Variants in NDUFA5 observed in about 807,000 individuals in gnomAD.
NDUFA5 encodes the protein NADH:ubiquinone oxidoreductase subunit A5.
A neutral mutation model predicts 19.8 loss-of-function variants in NDUFA5; 11 were observed. The observed-to-expected ratio is 0.56, with a 90% CI of 0.35 to 0.92. The LOEUF (loss-of-function observed/expected upper bound fraction) is 0.92, where lower values mean the gene tolerates loss of function less well. Ranked by LOEUF, NDUFA5 falls within the 40% of genes least tolerant of loss-of-function variation. The pLI is 0.01. For synonymous variants in NDUFA5, 47 were observed against 46.8 expected, an observed-to-expected ratio of 1.00 and a Z score of -0.01; for missense variants, 109 against 134.2, an observed-to-expected ratio of 0.81 and a Z score of 0.93.
chr7:123,543,108 C>A (rs1389877443), intron 4 of NDUFA5, among the ~76,000 whole-genome samples: 2 of 152,072 alleles, frequency 1.3e-5, no homozygotes, highest in Non-Finnish European at 2.9e-5. Flanking sequence ...TGTTTACAAG[C>A]AACTATAAAA....
chr7:123,591,931 G>T, the NDUFA5 span, among the ~76,000 whole-genome samples: 2 of 152,108 alleles, frequency 1.3e-5, no homozygotes. Context: ...TCTGGCCCCA[G>T]ACTTTTTTTT....
the NDUFA5 span, among the ~76,000 whole-genome samples, chr7:123,570,562 C>T: frequency 2.0e-5 from 3 of 152,142 alleles, no homozygotes; most frequent in Admixed American, 6.5e-5. Context: ...TGGCTTCTGA[C>T]GTCCTCACTC....
intron 3 of NDUFA5, among the ~76,000 whole-genome samples, chr7:123,548,811 C>T (rs896909644): frequency 8.5e-5 from 13 of 152,122 alleles, no homozygotes; most frequent in Non-Finnish European, 1.5e-4. Context: ...TAAACTCAGC[C>T]TTTGAGAAAC....
chr7:123,557,940 C>T (rs1798627831), upstream of NDUFA5: 1 of 1,403,350 alleles, frequency 7.1e-7, no homozygotes, highest in African/African-American at 1.4e-5. Flanking sequence ...AAGACTCTGC[C>T]CCGCCCATCT....
intron 2 of NDUFA5, 69 bp from the exon 3 acceptor site, chr7:123,550,655 T>C: frequency 9.5e-6 from 8 of 839,936 alleles, no homozygotes; most frequent in Non-Finnish European, 1.5e-5. Flanking sequence ...AACACTTGTC[T>C]CAAAGACAAA....
chr7:123,550,598 A>G lies in NDUFA5; in HGVS notation c.67-12T>C, dbSNP rs757746440. 1 of 1,496,866 alleles carries G rather than the reference A, an allele frequency of 6.7e-7. No individual in the cohort carries two copies. The allele number at this position is 1,496,866 out of a possible 1,614,324, so 92.7% of individuals were successfully genotyped here. A position where few individuals can be genotyped will look rare whatever the true frequency, so the allele number is the denominator to read the frequency against. On this transcript the variant is annotated splice_polypyrimidine_tract_variant and intron_variant, in intron 2 of 4. Coordinates refer to ENST00000355749, the MANE Select transcript of NDUFA5 (RefSeq NM_005000.5). The stretch of plus-strand genomic sequence containing the variant: ...AATATTCTTAGCCTCTGAAAAGACA[A>G]ACCATACAAATTTCCATAGGTTAAA...
At chr7:123,594,495 C>T in the NDUFA5 span, among the ~76,000 whole-genome samples, 3 of 152,168 alleles carry the variant, frequency 2.0e-5, no homozygotes, top group African/African-American at 4.8e-5. Context: ...GATGTTGATG[C>T]TATTCCTTTC....
At chr7:123,589,692 T>C in the NDUFA5 span, among the ~76,000 whole-genome samples, 1 of 152,178 alleles carries the variant, frequency 6.6e-6, no homozygotes, top group Non-Finnish European at 1.5e-5. Flanking sequence ...GGTGTATATG[T>C]GCCACATTTT....
chr7:123,561,779 G>C (rs1798691503), upstream of NDUFA5, among the ~76,000 whole-genome samples: 1 of 151,912 alleles, frequency 6.6e-6, no homozygotes, highest in South Asian at 2.1e-4. Context: ...TGTATTCTTA[G>C]TAGAGACGGG....
chr7:123,579,676 G>A, the NDUFA5 span, among the ~76,000 whole-genome samples: 2 of 151,904 alleles, frequency 1.3e-5, no homozygotes, highest in Non-Finnish European at 2.9e-5. Context: ...TCTGCTCCTG[G>A]GAGTTGAGTT....
chr7:123,568,028 T>C, the NDUFA5 span, among the ~76,000 whole-genome samples: 2 of 152,178 alleles, frequency 1.3e-5, no homozygotes, highest in South Asian at 2.1e-4. Flanking sequence ...TTTTCAGATA[T>C]GTTGATTTTC....
At chr7:123,582,393 G>A in the NDUFA5 span, among the ~76,000 whole-genome samples, 1 of 151,898 alleles carries the variant, frequency 6.6e-6, no homozygotes, top group Non-Finnish European at 1.5e-5. Flanking sequence ...ACCCCAAAGA[G>A]AAAGCCTTTT....
chr7:123,562,948 C>A, the NDUFA5 span, among the ~76,000 whole-genome samples: 1 of 151,916 alleles, frequency 6.6e-6, no homozygotes, highest in East Asian at 1.9e-4. Context: ...CAGGCAGGCA[C>A]ACCACTCCCA....
chr7:123,597,922 G>GTGTGTGTGTA, the NDUFA5 span, among the ~76,000 whole-genome samples: 2 of 117,262 alleles, frequency 1.7e-5, no homozygotes, highest in East Asian at 2.3e-4. Flanking sequence ...AACTTCGTGT[G>GTGTGTGTGTA]TGTGTGTGTG....
chr7:123,564,723 C>T, the NDUFA5 span, among the ~76,000 whole-genome samples: 7 of 151,930 alleles, frequency 4.6e-5, no homozygotes, highest in East Asian at 1.9e-4. Flanking sequence ...TTTATTGGGA[C>T]GTAACACCAT....
intron 2 of NDUFA5, 96 bp from the exon 3 acceptor site, chr7:123,550,682 T>C: frequency 1.5e-6 from 1 of 665,822 alleles, no homozygotes; most frequent in African/African-American, 1.9e-5. Context: ...AAAACTCACA[T>C]CTGTTTTTTT....
upstream of NDUFA5, among the ~76,000 whole-genome samples, chr7:123,562,332 C>T (rs758182219): frequency 3.3e-5 from 5 of 152,140 alleles, no homozygotes; most frequent in Non-Finnish European, 7.3e-5. Flanking sequence ...AAGCCTGTAA[C>T]AAGAGAGTTA....
the NDUFA5 span, among the ~76,000 whole-genome samples, chr7:123,589,825 G>T: frequency 6.6e-6 from 1 of 152,140 alleles, no homozygotes; most frequent in Non-Finnish European, 1.5e-5. Context: ...AATCATTCGG[G>T]TATATACCCA....
chr7:123,569,802 A>G, the NDUFA5 span, among the ~76,000 whole-genome samples: 1 of 152,186 alleles, frequency 6.6e-6, no homozygotes, highest in Non-Finnish European at 1.5e-5. Context: ...TGTAACAGAG[A>G]GGCAAGCCCG....
Sources: gnomAD v4.1 joint callset for allele counts (sites outside exome capture counted in the v4.1 genomes callset) on GRCh38, gnomAD v4.1.1 for gene constraint, MANE v1.5 for transcripts, NCBI Gene and HGNC (gene_info 2026-07-23, HGNC 2026-07-21) for gene names.